Variants in TENT4A observed in about 807,000 individuals in gnomAD.
TENT4A encodes the protein terminal nucleotidyltransferase 4A, also known as DNA polymerase kappa.
A neutral mutation model predicts 72.8 loss-of-function variants in TENT4A; 7 were observed. The ratio of observed to expected loss-of-function variants is 0.10; its 90% CI spans 0.05 to 0.18. TENT4A has a LOEUF of 0.18. TENT4A is among the 10% of genes least tolerant of loss of function. The pLI, the probability that TENT4A is intolerant of heterozygous loss-of-function variation, is 1.00. For missense variants in TENT4A, 831 were observed against 1,017.7 expected (o/e 0.82, Z 2.50); for synonymous variants, 456 against 434.3 (o/e 1.05, Z -0.62).
At chr5:6,740,611 G>A (rs1216407079) in intron 4 of TENT4A, among the ~76,000 whole-genome samples, 1 of 152,140 alleles carries the variant, frequency 6.6e-6, no homozygotes, top group Non-Finnish European at 1.5e-5. Flanking sequence ...ATTGTCAGGT[G>A]CTTTTGATTG....
chr5:6,716,513 G>A (rs576201824), intron 1 of TENT4A, among the ~76,000 whole-genome samples: 1 of 152,332 alleles, frequency 6.6e-6, no homozygotes, highest in South Asian at 2.1e-4. Context: ...AGCCGGAGGT[G>A]CCTTTGATGC....
intron 1 of TENT4A, among the ~76,000 whole-genome samples, chr5:6,719,702 T>G (rs2126596476): frequency 6.6e-6 from 1 of 152,364 alleles, no homozygotes; most frequent in Non-Finnish European, 1.5e-5. Flanking sequence ...TGGGAACATG[T>G]GCCTGAGTGA....
chr5:6,718,296 G>C (rs1740482487), intron 1 of TENT4A, among the ~76,000 whole-genome samples: 1 of 152,188 alleles, frequency 6.6e-6, no homozygotes, highest in Non-Finnish European at 1.5e-5. Context: ...AGGAGTCACA[G>C]CTTGGAGGCG....
intron 1 of TENT4A, among the ~76,000 whole-genome samples, chr5:6,722,328 CCTT>C (rs1220006453): frequency 1.3e-5 from 2 of 152,122 alleles, no homozygotes; most frequent in African/African-American, 2.4e-5. Context: ...AAAATTAAGT[CCTT>C]CTTGCCAGCT....
Position 6,714,157 on chromosome 5 carries a change from G to T in TENT4A, c.174G>T (p.Gly58=). The change falls in exon 1 of 13, where the codon GGG becomes GGT. Residue 58 remains glycine, a synonymous_variant. Coordinates refer to ENST00000230859, the MANE Select transcript of TENT4A (RefSeq NM_006999.6). ...LDTAAAAGAA[G]RGSGGLGPAL... is the part of the protein sequence containing the mutation. ...CGGCGGCCGCGGCGGGGGCGGCCGG[G>T]CGGGGCAGTGGCGGCCTGGGCCCCG... 1.0e-6 allele frequency: 1 copy of T among 975,134 alleles called. No homozygotes were observed. Among genetic ancestry groups the T allele is most frequent in the Non-Finnish European group, 1.2e-6 (1 of 825,636 alleles). 60.4% of individuals were successfully genotyped at this position (975,134 alleles called of 1,614,324 possible). A position where few individuals can be genotyped will look rare whatever the true frequency, so the allele number is the denominator to read the frequency against.
rs1561040850 is a variant in TENT4A at position 6,743,721 on chromosome 5, T to C, written c.1126T>C (p.Leu376=). The C allele has an allele frequency of 2.5e-6, 4 of 1,607,986 alleles. No homozygotes were observed. The highest frequency in any genetic ancestry group is 2.6e-6 in the Non-Finnish European group (3 of 1,175,658). The change falls in exon 6 of 13, where the codon TTG becomes CTG. Residue 376 remains leucine (L), a synonymous_variant. Coordinates refer to ENST00000230859, the MANE Select transcript of TENT4A (RefSeq NM_006999.6). The part of the protein sequence containing the change: ...FIKNYMKKYS[L]LPYLILVLKQ... The stretch of plus-strand genomic sequence containing the variant: ...CTTTTGGAATTTACAGAAATATTCA[T>C]TGCTGCCTTACTTGATTTTAGTATT...
rs1740238192 is a variant in TENT4A, at chr5:6,714,200, C to T, written c.217C>T (p.Pro73Ser). ...GGGCCCCGCGCTGCCCGCCGCGTCG[C>T]CCCCGCCGCCCGGCCCCACCGCGCC... ...GLGPALPAAS[P>S]PPPGPTAPAA... The change falls in exon 1 of 13, where the codon CCC (proline) becomes TCC (serine). Residue 73 changes from proline to serine, a missense_variant. Pro to Ser is a moderately conservative substitution (Grantham distance 74). Around this residue, in one of 3 missense-constraint regions of TENT4A, gnomAD observed 302 missense variants for 293.8 expected, o/e 1.03. Transcript: ENST00000230859. 3 of 968,464 alleles carry T rather than the reference C, an allele frequency of 3.1e-6. No homozygotes were observed. Among genetic ancestry groups the T allele is most frequent in the African/African-American group, 1.8e-5 (1 of 55,594 alleles). 60.0% of individuals were successfully genotyped at this position (968,464 alleles called of 1,614,324 possible).
chr5:6,744,033 C>G (rs1457338796), intron 6 of TENT4A, among the ~76,000 whole-genome samples, 193 bp downstream of exon 6: 1 of 152,190 alleles, frequency 6.6e-6, no homozygotes, highest in African/African-American at 2.4e-5. Context: ...TCATTTTGTA[C>G]TGGGTGTAAC....
At chr5:6,750,535 T>G (rs1742344977) in intron 10 of TENT4A, 32 bp downstream of exon 10, 1 of 1,529,258 alleles carries the variant, frequency 6.5e-7, no homozygotes, top group East Asian at 2.4e-5. Flanking sequence ...GTGTGTCTGT[T>G]GGACAGTTTG....
At position 6,714,190 on chromosome 5, in the gene TENT4A, C is replaced by G. The variant is rs1395739904; in HGVS notation, c.207C>G (p.Pro69=). ...RGSGGLGPAL[P]AASPPPPGPT... Reference sequence around the variant, plus strand: ...GTGGCGGCCTGGGCCCCGCGCTGCCCGCCGCGTCGCCCCCGCCGCCCGGCC... The same window carrying G: ...GTGGCGGCCTGGGCCCCGCGCTGCCGGCCGCGTCGCCCCCGCCGCCCGGCC... The change falls in exon 1 of 13, where the codon CCC becomes CCG. Residue 69 remains proline, a synonymous_variant. Transcript: ENST00000230859. 1.5e-5 allele frequency: 14 copies of G among 959,856 alleles called. No individual in the cohort carries two copies. Among genetic ancestry groups the G allele is most frequent in the Non-Finnish European group, 1.7e-5 (14 of 812,202 alleles). 59.5% of individuals were successfully genotyped at this position (959,856 alleles called of 1,614,324 possible). A position where few individuals can be genotyped will look rare whatever the true frequency, so the allele number is the denominator to read the frequency against.
intron 1 of TENT4A, among the ~76,000 whole-genome samples, chr5:6,723,316 A>G (rs274715): frequency 0.53 from 79,674 of 151,548 alleles, 22,473 homozygotes; most frequent in Non-Finnish European, 0.64. Context: ...AGGTCTCAGC[A>G]TTTTTGCACG....
Position 6,718,377 on chromosome 5 carries a change from G to A in TENT4A, c.716+3678G>A, listed in dbSNP as rs1209697977. On this transcript the variant is annotated intron_variant, in intron 1 of 12. Coordinates refer to ENST00000230859, the MANE Select transcript of TENT4A (RefSeq NM_006999.6). ...AAGTAGAGCAGGTGTGACCTGTCCG[G>A]AACATCCTTGTGATGCTCAGCAGGG... 1.2e-4 allele frequency among the ~76,000 whole-genome samples: 19 copies of A among 152,322 alleles called. No homozygotes were observed. The East Asian group carries it at 3.7e-3, about 29-fold the overall frequency.
At chr5:6,737,909 GTTTTTT>G (rs374682397) in intron 2 of TENT4A, among the ~76,000 whole-genome samples, 1 of 129,098 alleles carries the variant, frequency 7.7e-6, no homozygotes, top group Non-Finnish European at 1.6e-5. Flanking sequence ...GATTTGTTGG[GTTTTTT>G]TTTTTTTTTT....
At chr5:6,722,774 A>T (rs982604716) in intron 1 of TENT4A, among the ~76,000 whole-genome samples, 1 of 152,192 alleles carries the variant, frequency 6.6e-6, no homozygotes, top group Admixed American at 6.5e-5. Flanking sequence ...GCAGCTTCTA[A>T]CATAGTGTTC....
chr5:6,755,425 T>C lies in TENT4A; in HGVS notation c.*480T>C, dbSNP rs576414257. The C allele has an allele frequency of 6.5e-6, 1 of 153,410 alleles. No homozygotes were observed. Among genetic ancestry groups the C allele is most frequent in the African/African-American group, 2.4e-5 (1 of 41,630 alleles). 9.5% of individuals were successfully genotyped at this position (153,410 alleles called of 1,614,324 possible). A position where few individuals can be genotyped will look rare whatever the true frequency, so the allele number is the denominator to read the frequency against. On this transcript the variant is annotated 3_prime_UTR_variant, in exon 13 of 13. Coordinates refer to ENST00000230859, the MANE Select transcript of TENT4A (RefSeq NM_006999.6). Reference sequence around the variant, plus strand: ...TCAGAACTGTTTTTCTATGTAAATATTGAAAACTTATGATTTGTGCAATAA... The same window carrying C: ...TCAGAACTGTTTTTCTATGTAAATACTGAAAACTTATGATTTGTGCAATAA...
At chr5:6,731,059 G>T (rs919209696) in intron 1 of TENT4A, among the ~76,000 whole-genome samples, 8 of 152,296 alleles carry the variant, frequency 5.3e-5, no homozygotes, top group Non-Finnish European at 1.0e-4. Flanking sequence ...TGTTGTTTTG[G>T]TGTAATCGTA....
intron 1 of TENT4A, among the ~76,000 whole-genome samples, chr5:6,725,758 T>C (rs1740886980): frequency 1.3e-5 from 2 of 152,164 alleles, no homozygotes; most frequent in Admixed American, 1.3e-4. Context: ...GCTGCCACTG[T>C]AGGACCTCTC....
At chr5:6,729,136 C>T (rs959295643) in intron 1 of TENT4A, among the ~76,000 whole-genome samples, 1 of 152,232 alleles carries the variant, frequency 6.6e-6, no homozygotes, top group Non-Finnish European at 1.5e-5. Context: ...TGGGTTCCTT[C>T]CTGAGTGTGG....
intron 1 of TENT4A, among the ~76,000 whole-genome samples, chr5:6,736,009 C>T (rs766540834): frequency 1.3e-5 from 2 of 152,194 alleles, no homozygotes; most frequent in African/African-American, 4.8e-5. Flanking sequence ...GATCCATCCA[C>T]CTCAGCCTCC....
Sources: allele counts gnomAD v4.1 joint callset (sites outside exome capture counted in the v4.1 genomes callset), GRCh38; gene constraint gnomAD v4.1.1; regional missense constraint gnomAD v4.1.1; transcripts MANE v1.5; gene names NCBI Gene and HGNC (gene_info 2026-07-23, HGNC 2026-07-21).